The following MAST4 variants were observed in gnomAD, a reference collection of about 807,000 sequenced individuals.
The protein encoded by MAST4 is microtubule associated serine/threonine kinase family member 4.
A neutral mutation model predicts 162.7 loss-of-function variants in MAST4; 89 were observed. The ratio of observed to expected loss-of-function variants is 0.55; its 90% CI spans 0.46 to 0.65. The LOEUF is 0.65. Ranked by LOEUF, MAST4 falls within the 30% of genes least tolerant of loss-of-function variation. MAST4 has a pLI of 0.00. For synonymous variants in MAST4, 1,479 were observed against 1,361.1 expected (o/e 1.09, Z -1.91); for missense variants, 3,153 against 3,374.0 (o/e 0.93, Z 1.62).
Position 67,049,058 on chromosome 5 carries a change from T to C in MAST4, c.675-5346T>C, listed in dbSNP as rs866423451. Among the ~76,000 whole-genome samples, 129 of 105,860 alleles carry C rather than the reference T, an allele frequency of 1.2e-3. 1 individual carries two copies. The highest frequency in any genetic ancestry group is 4.3e-3 in the South Asian group (15 of 3,464). 69.4% of individuals were successfully genotyped at this position (105,860 alleles called of 152,430 possible). ...ATATATATACGTGTATATATATATATACGTATATATATATATATATACACT... is the reference window on the plus strand; with the variant it reads ...ATATATATACGTGTATATATATATACACGTATATATATATATATATACACT... On this transcript the variant is annotated intron_variant, in intron 4 of 28. Coordinates refer to ENST00000403625, the MANE Select transcript of MAST4 (RefSeq NM_001164664.2).
At chr5:67,088,744 A>C (rs554066991) in intron 5 of MAST4, among the ~76,000 whole-genome samples, 1 of 152,308 alleles carries the variant, frequency 6.6e-6, no homozygotes, top group South Asian at 2.1e-4. Context: ...GCAGGGGGAA[A>C]AATGCTTCAT....
At chr5:67,145,517 T>G in intron 23 of MAST4, 138 bp downstream of exon 23, 2 of 675,156 alleles carry the variant, frequency 3.0e-6, no homozygotes, top group Non-Finnish European at 5.0e-6. Context: ...CCTCAGTCCT[T>G]AGGCTTGGGA....
intron 3 of MAST4, among the ~76,000 whole-genome samples, chr5:66,875,504 G>A (rs1475453903): frequency 6.6e-6 from 1 of 152,088 alleles, no homozygotes; most frequent in African/African-American, 2.4e-5. Flanking sequence ...CTGAAAAATA[G>A]GGAACAAAAG....
intron 4 of MAST4, among the ~76,000 whole-genome samples, chr5:67,013,491 C>A (rs1353779608): frequency 2.6e-5 from 4 of 152,158 alleles, no homozygotes; most frequent in African/African-American, 4.8e-5. Context: ...AAAATAAAAG[C>A]TGTAAAGAAG....
chr5:66,782,843 T>C (rs1275482169), intron 2 of MAST4, among the ~76,000 whole-genome samples: 1 of 152,230 alleles, frequency 6.6e-6, no homozygotes, highest in Non-Finnish European at 1.5e-5. Flanking sequence ...GATGCTAATT[T>C]TCTTAAATTG....
chr5:66,929,264 G>C (rs1411851094), intron 4 of MAST4, among the ~76,000 whole-genome samples: 2 of 152,186 alleles, frequency 1.3e-5, no homozygotes, highest in Admixed American at 6.5e-5. Flanking sequence ...CTGGAGTTCT[G>C]ATGTTCAAGG....
At position 67,165,298 on chromosome 5, in the gene MAST4, G is replaced by A. The variant is rs879512457; in HGVS notation, c.6119G>A (p.Gly2040Glu). The change falls in exon 29 of 29, where the codon GGG (glycine) becomes GAG (glutamate). Residue 2040 changes from glycine (G) to glutamate (E), a missense_variant. Around this residue, in one of 7 missense-constraint regions of MAST4, gnomAD observed 1,644 missense variants for 1,495.0 expected, o/e 1.10. Coordinates refer to ENST00000403625, the MANE Select transcript of MAST4 (RefSeq NM_001164664.2). ...QAMEKAWAPG[G>E]KTNHKDGPGE... is the part of the protein sequence containing the mutation. ...ATGGAGAAAGCATGGGCGCCGGGTG[G>A]GAAAACGAACCACAAAGATGGCCCA... is the stretch of plus-strand genomic sequence containing the variant. 3 of 1,613,528 alleles carry A rather than the reference G, an allele frequency of 1.9e-6. No individual in the cohort carries two copies. The highest frequency in any genetic ancestry group is 2.5e-6 in the Non-Finnish European group (3 of 1,179,880).
intron 1 of MAST4, among the ~76,000 whole-genome samples, chr5:66,749,438 A>G (rs1467279282): frequency 3.3e-5 from 5 of 152,238 alleles, no homozygotes; most frequent in Non-Finnish European, 7.3e-5. Flanking sequence ...TACAGCCTGA[A>G]ATAATGTAAA....
At chr5:66,919,051 C>G (rs1030077797) in intron 4 of MAST4, among the ~76,000 whole-genome samples, 15 of 150,116 alleles carry the variant, frequency 1.0e-4, no homozygotes, top group African/African-American at 3.7e-4. Context: ...TGCAGTGAGC[C>G]AAGATCACAC....
At chr5:66,715,561 C>T (rs1162274465) in intron 1 of MAST4, among the ~76,000 whole-genome samples, 6 of 149,450 alleles carry the variant, frequency 4.0e-5, no homozygotes, top group Non-Finnish European at 8.9e-5. Context: ...AGGAGATATA[C>T]CTAATGCTAA....
At chr5:66,867,405 C>T (rs2149859369) in intron 3 of MAST4, among the ~76,000 whole-genome samples, 1 of 152,194 alleles carries the variant, frequency 6.6e-6, no homozygotes, top group East Asian at 1.9e-4. Context: ...AGCTAAAGTA[C>T]TAAGCTATCA....
intron 1 of MAST4, among the ~76,000 whole-genome samples, chr5:66,751,060 T>G (rs575409814): frequency 2.6e-5 from 4 of 151,802 alleles, no homozygotes; most frequent in Non-Finnish European, 5.9e-5. Flanking sequence ...CGGCAGGGTA[T>G]TCGAACAGAC....
At chr5:66,760,436 T>C (rs33727) in intron 2 of MAST4, among the ~76,000 whole-genome samples, 31,773 of 151,950 alleles carry the variant, frequency 0.21, 4,205 homozygotes, top group East Asian at 0.45. Context: ...TTTAAGTTTA[T>C]GTTTGGATGG....
In MAST4 at chr5:67,033,080, T is replaced by C. The variant is rs1206755796; in HGVS notation, c.675-21324T>C. Among the ~76,000 whole-genome samples the C allele has an allele frequency of 2.6e-5, 4 of 151,884 alleles. No individual in the cohort carries two copies. In the South Asian group the frequency reaches 8.3e-4, roughly 32 times the overall value. ...AATGAATGGTCATACTTAAAATAAATAGAAACTAGTATTTGATGAGGAGAA... is the reference window on the plus strand; with the variant it reads ...AATGAATGGTCATACTTAAAATAAACAGAAACTAGTATTTGATGAGGAGAA... On this transcript the variant is annotated intron_variant, in intron 4 of 28. Coordinates refer to ENST00000403625, the MANE Select transcript of MAST4 (RefSeq NM_001164664.2).
chr5:66,777,096 A>G (rs1754638923), intron 2 of MAST4, among the ~76,000 whole-genome samples: 1 of 152,196 alleles, frequency 6.6e-6, no homozygotes. Context: ...AAGCTCAGAG[A>G]GGTCAAGGTA....
intron 3 of MAST4, among the ~76,000 whole-genome samples, chr5:66,852,018 G>C (rs1759349078): frequency 6.6e-6 from 1 of 152,182 alleles, no homozygotes. Context: ...TGGGTTCAAT[G>C]TGGTGGACTA....
intron 4 of MAST4, among the ~76,000 whole-genome samples, chr5:66,907,376 G>A (rs545997789): frequency 2.0e-5 from 3 of 152,280 alleles, no homozygotes; most frequent in South Asian, 4.1e-4. Flanking sequence ...GGGAAAGGGT[G>A]GGCTTCATCC....
rs1355121251 is a variant in MAST4, at chr5:67,093,619, T to G, written c.834-1978T>G. 6.4e-6 allele frequency: 3 copies of G among 465,148 alleles called. No individual in the cohort carries two copies. In the East Asian group the frequency reaches 1.9e-4, roughly 29 times the overall value. 28.8% of individuals were successfully genotyped at this position (465,148 alleles called of 1,614,324 possible). On this transcript the variant is annotated intron_variant, in intron 6 of 28. Coordinates refer to ENST00000403625, the MANE Select transcript of MAST4 (RefSeq NM_001164664.2). ...TCTCGTTTAAACATCTTTCTAGTTGTGTGTTTTCTGGAGCAAGCAAATGTA... is the reference window on the plus strand; with the variant it reads ...TCTCGTTTAAACATCTTTCTAGTTGGGTGTTTTCTGGAGCAAGCAAATGTA...
chr5:66,654,066 C>T (rs186115841), intron 1 of MAST4, among the ~76,000 whole-genome samples: 8 of 152,270 alleles, frequency 5.3e-5, no homozygotes, highest in African/African-American at 1.4e-4. Flanking sequence ...TTGCCCTCAT[C>T]GTGCTTACAG....
Sources: gnomAD v4.1 joint callset for allele counts (sites outside exome capture counted in the v4.1 genomes callset) on GRCh38, gnomAD v4.1.1 for gene constraint, gnomAD v4.1.1 regional missense constraint, MANE v1.5 for transcripts, NCBI Gene and HGNC (gene_info 2026-07-23, HGNC 2026-07-21) for gene names.